RPS6KA5: variants seen among roughly 807,000 people sequenced by gnomAD.
The protein encoded by RPS6KA5 is ribosomal protein S6 kinase alpha-5.
RPS6KA5 carries 27 observed loss-of-function variants against 85.5 expected under a neutral mutation model. That is an observed-to-expected ratio of 0.32 (90% confidence interval 0.23 to 0.44). RPS6KA5 has a LOEUF of 0.44. Ranked by LOEUF, RPS6KA5 falls within the 20% of genes least tolerant of loss-of-function variation. RPS6KA5 has a pLI of 1.00. For synonymous variants in RPS6KA5, 334 were observed against 348.2 expected (o/e 0.96, Z 0.46); for missense variants, 811 against 980.9 (o/e 0.83, Z 2.31).
chr14:90,939,810 T>C (rs1469790475), intron 5 of RPS6KA5, among the ~76,000 whole-genome samples: 2 of 152,076 alleles, frequency 1.3e-5, no homozygotes, highest in African/African-American at 4.8e-5. Flanking sequence ...AGCCAAACCA[T>C]ACCATAAAGA....
At chr14:91,044,867 CA>C (rs748430714) in intron 1 of RPS6KA5, among the ~76,000 whole-genome samples, 1,845 of 70,344 alleles carry the variant, frequency 0.026, 14 homozygotes, top group Non-Finnish European at 0.035. Flanking sequence ...CGAGACGTGT[CA>C]AAAAAAAAAA....
chr14:91,012,900 C>A (rs1377616083), intron 1 of RPS6KA5, among the ~76,000 whole-genome samples: 2 of 152,202 alleles, frequency 1.3e-5, no homozygotes, highest in South Asian at 2.1e-4. Flanking sequence ...GGAAGGGGAT[C>A]TTTATCTCAC....
At chr14:90,915,314 T>G (rs974791165) in intron 7 of RPS6KA5, among the ~76,000 whole-genome samples, 11 of 152,162 alleles carry the variant, frequency 7.2e-5, no homozygotes, top group African/African-American at 2.7e-4. Context: ...GCCTTCCTTA[T>G]AACCAATACT....
rs1303836978 is a variant in RPS6KA5 at position 90,872,108 on chromosome 14, T to C, written c.2375A>G (p.Glu792Gly). The change falls in exon 17 of 17, where the codon GAG becomes GGG. Residue 792 changes from glutamate to glycine, a missense_variant. Glu to Gly is a moderately conservative substitution (Grantham distance 98, BLOSUM62 -2). Transcript: ENST00000614987. ...PSNPADSNNPETLFQFSDSVA is the reference protein window; with the variant it reads ...PSNPADSNNPGTLFQFSDSVA ...TGAGTCCGAGAACTGGAAGAGGGTC[T>C]CCGGGTTATTGCTGTCGGCAGGATT... 1.2e-6 allele frequency: 2 copies of C among 1,613,558 alleles called. No homozygotes were observed. Among genetic ancestry groups the C allele is most frequent in the Non-Finnish European group, 1.7e-6 (2 of 1,179,848 alleles).
At chr14:90,909,512 C>T (rs971541455) in intron 7 of RPS6KA5, among the ~76,000 whole-genome samples, 13 of 152,168 alleles carry the variant, frequency 8.5e-5, no homozygotes, top group South Asian at 8.3e-4. Context: ...TTCACAGATA[C>T]GGAAAGACTC....
At chr14:90,931,583 G>T (rs1435332846) in intron 5 of RPS6KA5, among the ~76,000 whole-genome samples, 3 of 151,800 alleles carry the variant, frequency 2.0e-5, no homozygotes, top group South Asian at 2.1e-4. Flanking sequence ...AAAAGATTTA[G>T]TACATTGGAT....
chr14:90,873,856 C>T, intron 15 of RPS6KA5, 61 bp from the exon 16 acceptor site: 1 of 1,447,370 alleles, frequency 6.9e-7, no homozygotes, highest in Non-Finnish European at 9.5e-7. Context: ...TAAAAACAAA[C>T]TCAGAAATAA....
chr14:90,874,229 A>G (rs2033306132), intron 15 of RPS6KA5, among the ~76,000 whole-genome samples: 1 of 152,222 alleles, frequency 6.6e-6, no homozygotes, highest in Admixed American at 6.5e-5. Flanking sequence ...CAGAAGACAC[A>G]CAGGCAAAAC....
intron 5 of RPS6KA5, among the ~76,000 whole-genome samples, chr14:90,925,347 A>C (rs1177935203): frequency 1.3e-5 from 2 of 152,254 alleles, no homozygotes; most frequent in Non-Finnish European, 1.5e-5. Context: ...GCTAAACCTC[A>C]GTGAAAACAA....
rs371142288 is a variant in RPS6KA5, at chr14:90,918,190, C to T, written c.806+2016G>A. Among the ~76,000 whole-genome samples, 13 of 152,258 alleles carry T rather than the reference C, an allele frequency of 8.5e-5. No individual in the cohort carries two copies. The East Asian group carries it at 1.5e-3, about 18-fold the overall frequency. On this transcript the variant is annotated intron_variant, in intron 7 of 16. Coordinates refer to ENST00000614987, the MANE Select transcript of RPS6KA5 (RefSeq NM_004755.4). ...CAGTTCCTCTAAGTCTTTATCAGCACTTGGTATTATCAGTCTCTTTATTTT... is the reference window on the plus strand; with the variant it reads ...CAGTTCCTCTAAGTCTTTATCAGCATTTGGTATTATCAGTCTCTTTATTTT...
intron 14 of RPS6KA5, among the ~76,000 whole-genome samples, chr14:90,885,765 A>G (rs1443000325): frequency 1.4e-5 from 2 of 143,390 alleles, no homozygotes; most frequent in Admixed American, 7.0e-5. Flanking sequence ...AAAAAAAAAA[A>G]AAAAAAAAGA....
intron 3 of RPS6KA5, among the ~76,000 whole-genome samples, chr14:90,973,676 G>C (rs1245183472): frequency 6.6e-6 from 1 of 152,032 alleles, no homozygotes; most frequent in East Asian, 1.9e-4. Context: ...AAAGAACAAG[G>C]AAAAGCTTTA....
intron 3 of RPS6KA5, among the ~76,000 whole-genome samples, chr14:90,952,983 T>C (rs941367851): frequency 1.3e-5 from 2 of 152,210 alleles, no homozygotes; most frequent in African/African-American, 2.4e-5. Context: ...ATTATGTTTC[T>C]CTGTTTAATC....
At chr14:90,973,945 G>T (rs1743218) in intron 3 of RPS6KA5, among the ~76,000 whole-genome samples, 106,149 of 149,686 alleles carry the variant, frequency 0.71, 38,140 homozygotes, top group East Asian at 0.96. Flanking sequence ...GGCTGAGGGA[G>T]GAGAATCACT....
chr14:90,976,812 T>C (rs1044643419), intron 3 of RPS6KA5, among the ~76,000 whole-genome samples: 2 of 152,134 alleles, frequency 1.3e-5, no homozygotes, highest in African/African-American at 4.8e-5. Context: ...ATGGTAAGCA[T>C]TGCAAAATGA....
chr14:90,901,828 C>T (rs1338572464), intron 9 of RPS6KA5, among the ~76,000 whole-genome samples: 1 of 151,972 alleles, frequency 6.6e-6, no homozygotes, highest in Non-Finnish European at 1.5e-5. Context: ...TTTTTAACAG[C>T]AGTTAAGATT....
chr14:90,949,091 C>T (rs2140374758), intron 3 of RPS6KA5, among the ~76,000 whole-genome samples: 1 of 152,348 alleles, frequency 6.6e-6, no homozygotes, highest in East Asian at 1.9e-4. Flanking sequence ...TATACCTGAA[C>T]ACAAAGCTAA....
At chr14:90,968,960 A>G (rs572004314) in intron 3 of RPS6KA5, among the ~76,000 whole-genome samples, 1 of 152,350 alleles carries the variant, frequency 6.6e-6, no homozygotes, top group South Asian at 2.1e-4. Context: ...TTTCATTTCA[A>G]TGACACATAA....
At chr14:90,985,108 A>AT (rs916624397) in intron 2 of RPS6KA5, among the ~76,000 whole-genome samples, 23 of 151,832 alleles carry the variant, frequency 1.5e-4, no homozygotes, top group African/African-American at 5.1e-4. Flanking sequence ...CGCCCATCTA[A>AT]TTTTTTGTAT....
Sources: allele counts gnomAD v4.1 joint callset (sites outside exome capture counted in the v4.1 genomes callset), GRCh38; gene constraint gnomAD v4.1.1; transcripts MANE v1.5; gene names NCBI Gene and HGNC (gene_info 2026-07-23, HGNC 2026-07-21).